The following CHRM3 variants were observed in gnomAD, a reference collection of about 807,000 sequenced individuals.
CHRM3 encodes the protein muscarinic acetylcholine receptor M3.
In CHRM3, 11 loss-of-function variants were observed where a neutral mutation model predicts 41.8. That is an observed-to-expected ratio of 0.26 (90% confidence interval 0.17 to 0.44). The LOEUF is 0.44. Among genes scored for constraint, CHRM3 ranks in the 20% least tolerant of loss-of-function variants. CHRM3 has a pLI of 1.00. For missense variants in CHRM3, 571 were observed against 745.4 expected, an observed-to-expected ratio of 0.77 and a Z score of 2.72; for synonymous variants, 297 against 301.4, an observed-to-expected ratio of 0.99 and a Z score of 0.15.
intron 6 of CHRM3, among the ~76,000 whole-genome samples, chr1:239,835,995 G>A (rs1015345479): frequency 5.3e-5 from 8 of 152,250 alleles, no homozygotes; most frequent in Admixed American, 5.2e-4. Context: ...AGATACATTC[G>A]TAGAGAGGAA....
intron 5 of CHRM3, among the ~76,000 whole-genome samples, chr1:239,728,429 A>T (rs1663647314): frequency 6.6e-6 from 1 of 151,974 alleles, no homozygotes; most frequent in Non-Finnish European, 1.5e-5. Flanking sequence ...CGTCTAGAAG[A>T]CACCATGTCC....
At chr1:239,902,889 C>T (rs1376340993) in intron 6 of CHRM3, among the ~76,000 whole-genome samples, 2 of 152,136 alleles carry the variant, frequency 1.3e-5, no homozygotes, top group Non-Finnish European at 2.9e-5. Context: ...TCATCTCATA[C>T]TGCACATCTA....
chr1:239,767,418 T>C (rs1488814552), intron 5 of CHRM3, among the ~76,000 whole-genome samples: 2 of 152,172 alleles, frequency 1.3e-5, no homozygotes, highest in African/African-American at 4.8e-5. Flanking sequence ...TAAAACATCT[T>C]CCTATTCCTC....
chr1:239,594,402 A>C (rs769850315), intron 3 of CHRM3, among the ~76,000 whole-genome samples: 1 of 152,228 alleles, frequency 6.6e-6, no homozygotes, highest in African/African-American at 2.4e-5. Context: ...TATGAGAAGC[A>C]TTGTTTGTAT....
At chr1:239,562,050 C>T (rs536906587) in intron 3 of CHRM3, among the ~76,000 whole-genome samples, 30 of 152,192 alleles carry the variant, frequency 2.0e-4, no homozygotes, top group Middle Eastern at 6.8e-3. Flanking sequence ...TTTGTTTTGA[C>T]GGTTCAGGAT....
chr1:239,394,073 G>C (rs2102933369), intron 1 of CHRM3, among the ~76,000 whole-genome samples: 1 of 152,226 alleles, frequency 6.6e-6, no homozygotes, highest in South Asian at 2.1e-4. Context: ...AGTAAGTCAA[G>C]GGCTCTGCTT....
At chr1:239,617,601 G>A (rs1270992636) in intron 3 of CHRM3, among the ~76,000 whole-genome samples, 2 of 152,108 alleles carry the variant, frequency 1.3e-5, no homozygotes, top group Non-Finnish European at 2.9e-5. Context: ...AGGCATAGTG[G>A]CGCATGTCTG....
chr1:239,556,906 G>A (rs187855196), intron 3 of CHRM3, among the ~76,000 whole-genome samples: 21 of 152,306 alleles, frequency 1.4e-4, no homozygotes, highest in African/African-American at 4.3e-4. Context: ...GAGTTGAATT[G>A]AATTGAATGA....
At chr1:239,622,762 T>C (rs1188175634) in intron 3 of CHRM3, among the ~76,000 whole-genome samples, 1 of 152,114 alleles carries the variant, frequency 6.6e-6, no homozygotes, top group Admixed American at 6.6e-5. Context: ...CCACAAAAGA[T>C]TTAGAATATT....
chr1:239,456,033 G>A (rs573750876), intron 1 of CHRM3, among the ~76,000 whole-genome samples: 4 of 152,286 alleles, frequency 2.6e-5, no homozygotes, highest in Admixed American at 6.5e-5. Context: ...GGAGTTGGGG[G>A]CAGTGCCTAA....
At chr1:239,650,919 A>G (rs578089180) in intron 4 of CHRM3, among the ~76,000 whole-genome samples, 1 of 152,340 alleles carries the variant, frequency 6.6e-6, no homozygotes, top group Non-Finnish European at 1.5e-5. Context: ...AAATATGTGT[A>G]AATTTATGCA....
rs1669939482 is a variant in CHRM3, at chr1:239,632,290, A to T, written c.-250+4A>T. The T allele has an allele frequency of 6.6e-6, 1 of 152,212 alleles. No individual in the cohort carries two copies. The highest frequency in any genetic ancestry group is 1.5e-5 in the Non-Finnish European group (1 of 68,030). The allele number at this position is 152,212 out of a possible 1,614,324, so 9.4% of individuals were successfully genotyped here. A position where few individuals can be genotyped will look rare whatever the true frequency, so the allele number is the denominator to read the frequency against. ...ACTTCAGCTAAGGTACAATAAGGTA[A>T]GATCCTTTTTCTAGTTGAGCTATTT... is the stretch of plus-strand genomic sequence containing the variant. On this transcript the variant is annotated splice_donor_region_variant and intron_variant, in intron 4 of 6. Coordinates refer to ENST00000676153, the MANE Select transcript of CHRM3 (RefSeq NM_001375978.1).
intron 5 of CHRM3, among the ~76,000 whole-genome samples, chr1:239,685,511 G>A (rs944492802): frequency 3.3e-5 from 5 of 152,066 alleles, no homozygotes; most frequent in African/African-American, 1.2e-4. Flanking sequence ...TCGTGCATTG[G>A]GTTGTGGTAC....
intron 4 of CHRM3, among the ~76,000 whole-genome samples, chr1:239,661,630 A>G (rs116559711): frequency 0.023 from 3,482 of 152,324 alleles, 145 homozygotes; most frequent in African/African-American, 0.08. Context: ...GGACAGTAAA[A>G]TGATGACTGG....
intron 6 of CHRM3, among the ~76,000 whole-genome samples, chr1:239,857,995 A>G (rs1675267034): frequency 1.3e-5 from 2 of 152,206 alleles, no homozygotes; most frequent in Admixed American, 6.5e-5. Context: ...GATATATATT[A>G]TTAATTAAAA....
chr1:239,510,778 C>T (rs774050535), intron 2 of CHRM3, among the ~76,000 whole-genome samples: 11 of 152,148 alleles, frequency 7.2e-5, no homozygotes, highest in East Asian at 5.8e-4. Flanking sequence ...TCAGCTGATC[C>T]GCCTGCCTCA....
intron 5 of CHRM3, among the ~76,000 whole-genome samples, chr1:239,760,315 T>C (rs998326089): frequency 1.3e-5 from 2 of 152,150 alleles, no homozygotes; most frequent in African/African-American, 2.4e-5. Context: ...AGAACAATAT[T>C]TCTAAAATAC....
chr1:239,900,072 T>A (rs568705351), intron 6 of CHRM3, among the ~76,000 whole-genome samples: 6 of 152,302 alleles, frequency 3.9e-5, no homozygotes, highest in African/African-American at 1.4e-4. Flanking sequence ...TTCCTGTAGG[T>A]CCCCTCACCA....
intron 1 of CHRM3, among the ~76,000 whole-genome samples, chr1:239,446,140 T>C (rs1162837075): frequency 6.6e-6 from 1 of 152,174 alleles, no homozygotes; most frequent in Non-Finnish European, 1.5e-5. Flanking sequence ...TTTCACCATG[T>C]TGGCCAGGAT....
Sources: allele counts gnomAD v4.1 joint callset (sites outside exome capture counted in the v4.1 genomes callset), GRCh38; gene constraint gnomAD v4.1.1; transcripts MANE v1.5; gene names NCBI Gene and HGNC (gene_info 2026-07-23, HGNC 2026-07-21).